Variants in CHD1L observed in about 807,000 individuals in gnomAD.
CHD1L encodes the protein chromodomain helicase DNA binding protein 1 like.
CHD1L carries 118 observed loss-of-function variants against 115.9 expected under a neutral mutation model. The observed-to-expected ratio is 1.02, with a 90% CI of 0.88 to 1.19. The LOEUF (loss-of-function observed/expected upper bound fraction) is 1.19, where lower values mean the gene tolerates loss of function less well. CHD1L is among the 50% of genes most tolerant of loss of function. The probability of loss-of-function intolerance (pLI) is 0.00; values close to 1 mark genes in which losing one functional copy is unlikely to be tolerated. For missense variants in CHD1L, 1,179 were observed against 1,065.3 expected (o/e 1.11, Z -1.49); for synonymous variants, 411 against 387.1 (o/e 1.06, Z -0.72).
At chr1:147,208,570 G>T in the CHD1L span, 1 of 283,030 alleles carries the variant, frequency 3.5e-6, no homozygotes. Flanking sequence ...CTCCTGAATA[G>T]CTGGGACTAC....
At chr1:147,236,623 A>T in the CHD1L span, among the ~76,000 whole-genome samples, 26 of 151,004 alleles carry the variant, frequency 1.7e-4, no homozygotes, top group Admixed American at 1.6e-3. Context: ...GGTTGTCCCA[A>T]TGTCTGCTTA....
Position 147,247,190 on chromosome 1 carries a change from A to G in CHD1L, c.127+4360A>G, listed in dbSNP as rs1025143375. 5.9e-5 allele frequency among the ~76,000 whole-genome samples: 9 copies of G among 152,184 alleles called. No homozygotes were observed. In the South Asian group the frequency reaches 1.4e-3, roughly 25 times the overall value. ...ATTGTGGTCAGAGAACATACTCTGT[A>G]CAATTTCAGTTCTTTTAAATGTGTT... On this transcript the variant is annotated intron_variant, in intron 1 of 22. Coordinates refer to ENST00000369258, the MANE Select transcript of CHD1L (RefSeq NM_004284.6).
intron 1 of CHD1L, among the ~76,000 whole-genome samples, chr1:147,247,145 A>G (rs1186951828): frequency 6.6e-6 from 1 of 152,204 alleles, no homozygotes; most frequent in African/African-American, 2.4e-5. Context: ...GTTTCTGTCC[A>G]TGAATTCTAA....
At chr1:147,290,655 G>A (rs782045162) in intron 19 of CHD1L, among the ~76,000 whole-genome samples, 1 of 151,106 alleles carries the variant, frequency 6.6e-6, no homozygotes, top group African/African-American at 2.4e-5. Flanking sequence ...ATTTGTCAGA[G>A]TTTTGTTTTA....
chr1:147,214,913 A>G, the CHD1L span: 1 of 152,142 alleles, frequency 6.6e-6, no homozygotes, highest in African/African-American at 2.4e-5. Context: ...GAAGAGAAGC[A>G]CCACTGGAAT....
chr1:147,176,427 C>G, the CHD1L span: 1 of 152,270 alleles, frequency 6.6e-6, no homozygotes, highest in African/African-American at 2.4e-5. Flanking sequence ...CCATGATATT[C>G]CATTTTATAA....
chr1:147,247,238 G>A (rs1666908018), intron 1 of CHD1L, among the ~76,000 whole-genome samples: 1 of 152,154 alleles, frequency 6.6e-6, no homozygotes. Flanking sequence ...CCCTGCTTTA[G>A]TTTGGATATG....
Position 147,291,564 on chromosome 1 carries a change from C to T in CHD1L, c.2391+12C>T. 2 of 1,607,648 alleles carry T rather than the reference C, an allele frequency of 1.2e-6. No individual in the cohort carries two copies. Among genetic ancestry groups the T allele is most frequent in the African/African-American group, 1.3e-5 (1 of 74,824 alleles). ...AAGGGCAAGATTTGGTAAGTAAAACCCATCTCTTCTCAGAACTACAAGTGG... is the reference window on the plus strand; with the variant it reads ...AAGGGCAAGATTTGGTAAGTAAAACTCATCTCTTCTCAGAACTACAAGTGG... On this transcript the variant is annotated intron_variant, in intron 20 of 22. Transcript: ENST00000369258.
chr1:147,222,797 C>T, the CHD1L span, among the ~76,000 whole-genome samples: 3 of 152,328 alleles, frequency 2.0e-5, no homozygotes, highest in Non-Finnish European at 4.4e-5. Flanking sequence ...GTTTAAACCA[C>T]ATTGGAGATA....
Position 147,242,791 on chromosome 1 carries a change from C to G in CHD1L, c.88C>G (p.Arg30Gly), listed in dbSNP as rs782676436. The G allele has an allele frequency of 7.8e-7, 1 of 1,274,060 alleles. No individual in the cohort carries two copies. Among genetic ancestry groups the G allele is most frequent in the Non-Finnish European group, 1.0e-6 (1 of 1,002,926 alleles). The allele number at this position is 1,274,060 out of a possible 1,614,324, so 78.9% of individuals were successfully genotyped here. Residue 30 changes from arginine to glycine, a missense_variant, in exon 1 of 23, where the codon CGG becomes GGG. Physicochemically the swap from Arg to Gly is moderately radical, Grantham distance 125. Coordinates refer to ENST00000369258, the MANE Select transcript of CHD1L (RefSeq NM_004284.6). ...TACTGAGGGCCGAGCCGAGGCGGCG[C>G]GGGTGCAGGAGCAGGACTTACGGCA... ...LHTEGRAEAA[R>G]VQEQDLRQWG...
chr1:147,215,967 A>G, the CHD1L span: 1 of 1,545,952 alleles, frequency 6.5e-7, no homozygotes, highest in Non-Finnish European at 8.8e-7. Context: ...AAGTATTCAT[A>G]GCAACTTGAG....
the CHD1L span, among the ~76,000 whole-genome samples, chr1:147,176,806 A>G: frequency 2.0e-5 from 3 of 152,156 alleles, no homozygotes; most frequent in African/African-American, 7.2e-5. Flanking sequence ...TAGGGCAAGT[A>G]CTTTTATCTT....
chr1:147,262,818 G>GC (rs201003881), intron 6 of CHD1L, among the ~76,000 whole-genome samples: 18 of 149,410 alleles, frequency 1.2e-4, no homozygotes, highest in African/African-American at 2.2e-4. Flanking sequence ...TCTTCCTATG[G>GC]CCCCCCCTCC....
chr1:147,287,689 C>A lies in CHD1L; in HGVS notation c.2276C>A (p.Ser759Tyr). ...GGLFTALEKR[S>Y]AEPRKIYELA... ...TTATTTACAGCTCTGGAAAAGCGAT[C>A]CGCTGAGCCAAGAAAAATATATGAG... Residue 759 changes from serine (S) to tyrosine (Y), a missense_variant, in exon 19 of 23, where the codon TCC becomes TAC. Coordinates refer to ENST00000369258, the MANE Select transcript of CHD1L (RefSeq NM_004284.6). 1 of 1,613,998 alleles carries A rather than the reference C, an allele frequency of 6.2e-7. No individual in the cohort carries two copies. Among genetic ancestry groups the A allele is most frequent in the Non-Finnish European group, 8.5e-7 (1 of 1,179,996 alleles).
chr1:147,256,658 C>A, intron 5 of CHD1L, 96 bp downstream of exon 5: 1 of 1,193,282 alleles, frequency 8.4e-7, no homozygotes. Flanking sequence ...CCTGGCATGT[C>A]TGGTATGTCT....
the CHD1L span, chr1:147,208,811 G>A: frequency 6.5e-7 from 1 of 1,536,524 alleles, no homozygotes; most frequent in Middle Eastern, 1.7e-4. Flanking sequence ...TTATTCTTGT[G>A]CTTTGGCCAC....
chr1:147,227,675 T>G, the CHD1L span, among the ~76,000 whole-genome samples: 4 of 152,202 alleles, frequency 2.6e-5, no homozygotes, highest in South Asian at 2.1e-4. Context: ...ACAGCAATAT[T>G]ATGAGTGAGA....
chr1:147,283,390 A>G (rs1681705993), intron 15 of CHD1L, among the ~76,000 whole-genome samples: 1 of 152,232 alleles, frequency 6.6e-6, no homozygotes, highest in Admixed American at 6.5e-5. Flanking sequence ...TTATTTGGTA[A>G]CATGTGCTAC....
chr1:147,214,230 T>G, the CHD1L span, among the ~76,000 whole-genome samples: 1 of 152,030 alleles, frequency 6.6e-6, no homozygotes, highest in Non-Finnish European at 1.5e-5. Context: ...GCCAGGTGAA[T>G]CACCCGAGGT....
Sources: gnomAD v4.1 joint callset for allele counts (sites outside exome capture counted in the v4.1 genomes callset) on GRCh38, gnomAD v4.1.1 for gene constraint, MANE v1.5 for transcripts, NCBI Gene and HGNC (gene_info 2026-07-23, HGNC 2026-07-21) for gene names.